Variants in NRK observed in about 807,000 individuals in gnomAD.
The protein encoded by NRK is Nik related kinase.
Under a neutral mutation model 125.2 loss-of-function variants are expected in NRK, and 67 were observed. That is an observed-to-expected ratio of 0.54 (90% confidence interval 0.44 to 0.66). NRK has a LOEUF of 0.66. NRK is among the 30% of genes least tolerant of loss of function. NRK has a pLI of 0.00. For missense variants in NRK, 1,224 were observed against 1,192.9 expected (o/e 1.03, Z -0.38); for synonymous variants, 458 against 429.0 (o/e 1.07, Z -0.84).
At position 105,879,463 on chromosome X, in the gene NRK, A is replaced by G. The variant is rs1391590239; in HGVS notation, c.124-736A>G. ...AAATAGGAGATCTGATTCCAAACCT[A>G]TGTGTTCACCTTTAAAAATTACAAA... On this transcript the variant is annotated intron_variant, in intron 2 of 28. Coordinates refer to ENST00000243300, the MANE Select transcript of NRK (RefSeq NM_198465.4). 2.7e-5 allele frequency among the ~76,000 whole-genome samples: 3 copies of G among 111,474 alleles called. No homozygotes were observed. The East Asian group carries it at 8.5e-4, about 31-fold the overall frequency.
In NRK at chrX:105,909,606, C is replaced by G. The variant is rs1213444476; in HGVS notation, c.1965C>G (p.Asn655Lys). ...TGCTTCGGGCACCAAACTCAAATAA[C>G]TCAAAGCCACTTGGTCCGTTGCAAA... Reference protein sequence around the residue: ...RDLLRAPNSNNSKPLGPLQTL... With the variant: ...RDLLRAPNSNKSKPLGPLQTL... Residue 655 changes from asparagine (N) to lysine (K), a missense_variant, in exon 13 of 29, where the codon AAC becomes AAG. Transcript: ENST00000243300. 3.3e-6 allele frequency: 4 copies of G among 1,204,302 alleles called. No individual in the cohort carries two copies. In the South Asian group the frequency reaches 7.2e-5, roughly 22 times the overall value.
At chrX:105,842,829 T>C (rs755999582) in intron 2 of NRK, among the ~76,000 whole-genome samples, 75 of 111,199 alleles carry the variant, frequency 6.7e-4, no homozygotes, top group Non-Finnish European at 1.2e-3. Context: ...TTAAGTAAAA[T>C]TGTTCTTATA....
chrX:105,899,788 G>A (rs759089972), intron 8 of NRK, among the ~76,000 whole-genome samples: 1 of 110,699 alleles, frequency 9.0e-6, no homozygotes, highest in Non-Finnish European at 1.9e-5. Flanking sequence ...CCAACATGGC[G>A]AAATGCTGTC....
At chrX:105,937,717 T>C in intron 22 of NRK, 135 bp downstream of exon 22, 1 of 379,410 alleles carries the variant, frequency 2.6e-6, no homozygotes. Context: ...ACACCAGACT[T>C]TCCTACTTAT....
chrX:105,913,681 G>T lies in NRK; in HGVS notation c.2349+926G>T, dbSNP rs777506702. 2.1e-4 allele frequency among the ~76,000 whole-genome samples: 23 copies of T among 111,172 alleles called. No homozygotes were observed. The Middle Eastern group carries it at 0.019, about 90-fold the overall frequency. ...ATAAAATGTCTACCAAATACCCAGA[G>T]TTTAAATAATCATAGTTTGTCAGTC... On this transcript the variant is annotated intron_variant, in intron 14 of 28. Transcript: ENST00000243300.
At chrX:105,891,862 C>T (rs1161641018) in intron 5 of NRK, among the ~76,000 whole-genome samples, 1 of 111,993 alleles carries the variant, frequency 8.9e-6, no homozygotes, top group East Asian at 2.8e-4. Context: ...CTGACAATTC[C>T]AGTTGAGATT....
chrX:105,955,868 C>T lies in NRK; in HGVS notation c.*268C>T, dbSNP rs867041146. ...TGTTACTGTGAATTCAAACATTACT[C>T]TTTGGACAGTTTGGACAGTATCTGT... On this transcript the variant is annotated 3_prime_UTR_variant, in exon 29 of 29. Transcript: ENST00000243300. 4.3e-6 allele frequency: 1 copy of T among 230,546 alleles called. No individual in the cohort carries two copies. The highest frequency in any genetic ancestry group is 7.5e-5 in the East Asian group (1 of 13,388). The allele number at this position is 230,546 out of a possible 1,213,427, so 19.0% of individuals were successfully genotyped here. A position where few individuals can be genotyped will look rare whatever the true frequency, so the allele number is the denominator to read the frequency against.
intron 1 of NRK, among the ~76,000 whole-genome samples, chrX:105,829,013 G>A (rs974665811): frequency 1.1e-4 from 12 of 111,779 alleles, no homozygotes; most frequent in African/African-American, 3.9e-4. Context: ...CAATTCAGTG[G>A]AAACATCTAG....
At position 105,822,884 on chromosome X, in the gene NRK, G is replaced by C; in HGVS notation, c.39G>C (p.Thr13=). 1 of 1,171,353 alleles carries C rather than the reference G, an allele frequency of 8.5e-7. No individual in the cohort carries two copies. Residue 13 remains threonine, a synonymous_variant, in exon 1 of 29, where the codon ACG becomes ACC. Transcript: ENST00000243300. ...GGGGCTGGAGGGACAGGGAGGTCAC[G>C]GATCTGGGCCACCTGCCGGTGAGTA... ...GPGGWRDREV[T]DLGHLPDPTG... is the part of the protein sequence containing the mutation.
chrX:105,954,777 A>C (rs757001966), intron 28 of NRK, among the ~76,000 whole-genome samples: 1 of 111,629 alleles, frequency 9.0e-6, no homozygotes, highest in South Asian at 3.7e-4. Flanking sequence ...TTTATGGTAC[A>C]GACCACATTT....
chrX:105,862,746 C>A (rs1418242244), intron 2 of NRK, among the ~76,000 whole-genome samples: 10 of 111,884 alleles, frequency 8.9e-5, no homozygotes, highest in Non-Finnish European at 1.7e-4. Flanking sequence ...ACCATGGATG[C>A]AATTAGTGGC....
Position 105,909,597 on chromosome X carries a change from C to G in NRK, c.1956C>G (p.Asn652Lys). Residue 652 changes from asparagine (N) to lysine (K), a missense_variant, in exon 13 of 29, where the codon AAC becomes AAG. Coordinates refer to ENST00000243300, the MANE Select transcript of NRK (RefSeq NM_198465.4). ...CAAGAGACTTGCTTCGGGCACCAAA[C>G]TCAAATAACTCAAAGCCACTTGGTC... ...GLSRDLLRAPNSNNSKPLGPL... is the reference protein window; with the variant it reads ...GLSRDLLRAPKSNNSKPLGPL... The G allele has an allele frequency of 8.3e-7, 1 of 1,203,569 alleles. No individual in the cohort carries two copies. Among genetic ancestry groups the G allele is most frequent in the Non-Finnish European group, 1.1e-6 (1 of 890,771 alleles).
In NRK at chrX:105,855,665, A is replaced by G. The variant is rs189746882; in HGVS notation, c.124-24534A>G. On this transcript the variant is annotated intron_variant, in intron 2 of 28. Transcript: ENST00000243300. Reference sequence around the variant, plus strand: ...TAGGGACCTATAGATATTTGGAGACAGTAATATTTTAAATTTTGCTCTGAC... The same window carrying G: ...TAGGGACCTATAGATATTTGGAGACGGTAATATTTTAAATTTTGCTCTGAC... 3.6e-5 allele frequency among the ~76,000 whole-genome samples: 4 copies of G among 112,038 alleles called. No homozygotes were observed. In the East Asian group the frequency reaches 1.1e-3, roughly 31 times the overall value.
intron 2 of NRK, among the ~76,000 whole-genome samples, chrX:105,834,570 T>G (rs2039238033): frequency 9.0e-6 from 1 of 110,822 alleles, no homozygotes; most frequent in South Asian, 3.8e-4. Flanking sequence ...TGGGAGAAAT[T>G]TTTGGCCTTT....
In NRK at chrX:105,909,775, C is replaced by T. The variant is rs765735236; in HGVS notation, c.2134C>T (p.Pro712Ser). ...GTTCAGGGCAAAGTCATCATGGAGA[C>T]CTGAAAAGCTTGAACTCTCGGATTT... is the stretch of plus-strand genomic sequence containing the variant. ...KRFRAKSSWR[P>S]EKLELSDLEA... The change falls in exon 13 of 29, where the codon CCT becomes TCT. Residue 712 changes from proline to serine, a missense_variant. Coordinates refer to ENST00000243300, the MANE Select transcript of NRK (RefSeq NM_198465.4). 9.3e-6 allele frequency: 11 copies of T among 1,181,412 alleles called. No homozygotes were observed. Among genetic ancestry groups the T allele is most frequent in the Non-Finnish European group, 1.1e-6 (1 of 880,482 alleles).
chrX:105,854,402 C>T (rs759549634), intron 2 of NRK, among the ~76,000 whole-genome samples: 1 of 111,811 alleles, frequency 8.9e-6, no homozygotes, highest in Non-Finnish European at 1.9e-5. Context: ...ACTGAAGACA[C>T]ATAGCCTCAA....
chrX:105,901,220 GC>G (rs1307915014), intron 9 of NRK, among the ~76,000 whole-genome samples: 3 of 109,574 alleles, frequency 2.7e-5, no homozygotes, highest in Non-Finnish European at 5.7e-5. Flanking sequence ...CTACCTCAGC[GC>G]CCATTTCATC....
intron 2 of NRK, among the ~76,000 whole-genome samples, chrX:105,868,687 T>C (rs1361689566): frequency 9.2e-6 from 1 of 109,259 alleles, no homozygotes; most frequent in Non-Finnish European, 1.9e-5. Flanking sequence ...TGAGTGGCTA[T>C]ATCCACCATA....
intron 2 of NRK, among the ~76,000 whole-genome samples, chrX:105,871,744 A>T (rs1569297676): frequency 8.9e-6 from 1 of 111,915 alleles, no homozygotes; most frequent in South Asian, 3.7e-4. Flanking sequence ...CCAACTGATC[A>T]TGTAAGTTTC....
Sources: gnomAD v4.1 joint callset for allele counts (sites outside exome capture counted in the v4.1 genomes callset) on GRCh38, gnomAD v4.1.1 for gene constraint, MANE v1.5 for transcripts, NCBI Gene and HGNC (gene_info 2026-07-23, HGNC 2026-07-21) for gene names.